Variants in SIPA1L3 observed in about 807,000 individuals in gnomAD.
SIPA1L3 encodes the protein signal-induced proliferation-associated 1-like protein 3.
Under a neutral mutation model 150.1 loss-of-function variants are expected in SIPA1L3, and 59 were observed. That is an observed-to-expected ratio of 0.39 (90% confidence interval 0.32 to 0.49). SIPA1L3 has a LOEUF of 0.49. Among genes scored for constraint, SIPA1L3 ranks in the 20% least tolerant of loss-of-function variants. The pLI is 0.86. For missense variants in SIPA1L3, 2,211 were observed against 2,489.5 expected (o/e 0.89, Z 2.38); for synonymous variants, 1,070 against 1,077.6 (o/e 0.99, Z 0.14).
chr19:38,070,191 CCTATCTATCTATCTAT>C lies in SIPA1L3; in HGVS notation c.-310-11048_-310-11033del, dbSNP rs10546386. Among the ~76,000 whole-genome samples the C allele has an allele frequency of 8.7e-5, 13 of 148,848 alleles. No individual in the cohort carries two copies. The East Asian group carries it at 2.2e-3, about 25-fold the overall frequency. Reference sequence around the variant, plus strand: ...CCTCCCAACTATAGTGATCTTCAGTCCTATCTATCTATCTATCTATCTATCTATCTATTTTTGAGAC... The same window carrying C: ...CCTCCCAACTATAGTGATCTTCAGTCCTATCTATCTATCTATTTTTGAGAC... On this transcript the variant is annotated intron_variant, in intron 2 of 21. Transcript: ENST00000222345.
chr19:38,016,344 A>G lies in SIPA1L3; in HGVS notation c.-378-12745A>G, dbSNP rs1471828294. Among the ~76,000 whole-genome samples, 6 of 152,338 alleles carry G rather than the reference A, an allele frequency of 3.9e-5. No individual in the cohort carries two copies. In the South Asian group the frequency reaches 8.3e-4, roughly 21 times the overall value. ...AGGCCAGCTCTATTTTTAGTGGACT[A>G]TATATACGAATCAAAACATAGTCAG... On this transcript the variant is annotated intron_variant, in intron 1 of 21. Transcript: ENST00000222345.
chr19:38,126,063 A>G (rs569557960), intron 9 of SIPA1L3, among the ~76,000 whole-genome samples: 6 of 152,172 alleles, frequency 3.9e-5, no homozygotes, highest in South Asian at 4.2e-4. Flanking sequence ...AGTCCCAGCT[A>G]CTCAGGAGGC....
At chr19:38,134,853 C>T (rs201059048) in intron 10 of SIPA1L3, among the ~76,000 whole-genome samples, 11 of 151,960 alleles carry the variant, frequency 7.2e-5, no homozygotes, top group Admixed American at 5.2e-4. Flanking sequence ...CGGGAAGGCC[C>T]GAAGGTGAGG....
chr19:38,058,905 TC>T (rs1969388388), intron 2 of SIPA1L3, among the ~76,000 whole-genome samples: 1 of 150,912 alleles, frequency 6.6e-6, no homozygotes, highest in Non-Finnish European at 1.5e-5. Flanking sequence ...ATGCCTGTAA[TC>T]CCAGCTTACT....
intron 12 of SIPA1L3, among the ~76,000 whole-genome samples, chr19:38,151,517 C>T (rs1047142386): frequency 5.3e-5 from 8 of 152,200 alleles, no homozygotes; most frequent in Non-Finnish European, 7.3e-5. Context: ...TAATAACTCA[C>T]CTCCCTTCGT....
intron 1 of SIPA1L3, among the ~76,000 whole-genome samples, chr19:37,922,839 T>C (rs2046468494): frequency 6.7e-6 from 1 of 149,934 alleles, no homozygotes; most frequent in African/African-American, 2.5e-5. Context: ...GATAAAGAAG[T>C]AAAACACGGC....
chr19:38,054,114 G>A (rs1035527971), intron 2 of SIPA1L3, among the ~76,000 whole-genome samples: 5 of 151,848 alleles, frequency 3.3e-5, no homozygotes, highest in African/African-American at 1.2e-4. Context: ...GGAGGCCGAG[G>A]TGGGCGGATC....
At chr19:38,095,420 C>T (rs1970355144) in intron 4 of SIPA1L3, among the ~76,000 whole-genome samples, 1 of 152,178 alleles carries the variant, frequency 6.6e-6, no homozygotes, top group African/African-American at 2.4e-5. Flanking sequence ...GAAGGGTACA[C>T]CTGCCGCCCA....
At chr19:38,144,083 C>A (rs1545039) in intron 12 of SIPA1L3, among the ~76,000 whole-genome samples, 60,258 of 152,012 alleles carry the variant, frequency 0.4, 12,389 homozygotes, top group East Asian at 0.64. Flanking sequence ...CACACTCCCC[C>A]CATCCTACCA....
chr19:38,142,907 C>G (rs1435961755), intron 12 of SIPA1L3, among the ~76,000 whole-genome samples, 197 bp downstream of exon 12: 1 of 152,148 alleles, frequency 6.6e-6, no homozygotes, highest in Non-Finnish European at 1.5e-5. Flanking sequence ...TGGGCAGGAC[C>G]CATCGTTGGC....
chr19:37,912,748 C>T (rs1462841765), intron 1 of SIPA1L3, among the ~76,000 whole-genome samples: 1 of 152,224 alleles, frequency 6.6e-6, no homozygotes, highest in Non-Finnish European at 1.5e-5. Flanking sequence ...CCTCCCGCCT[C>T]AGCCTACATG....
In SIPA1L3 at chr19:38,130,525, G is replaced by A; in HGVS notation, c.2896G>A (p.Asp966Asn). Residue 966 changes from aspartate (D) to asparagine (N), a missense_variant, in exon 10 of 22, where the codon GAC becomes AAC. Coordinates refer to ENST00000222345, the MANE Select transcript of SIPA1L3 (RefSeq NM_015073.3). ...KVMTSGWETVDMTLRRNGLGQ... is the reference protein window; with the variant it reads ...KVMTSGWETVNMTLRRNGLGQ... Reference sequence around the variant, plus strand: ...GATGACCAGTGGCTGGGAGACGGTGGACATGACGCTTCGGCGGAACGGGCT... The same window carrying A: ...GATGACCAGTGGCTGGGAGACGGTGAACATGACGCTTCGGCGGAACGGGCT... 1.2e-6 allele frequency: 2 copies of A among 1,613,050 alleles called. No homozygotes were observed. The highest frequency in any genetic ancestry group is 1.7e-6 in the Non-Finnish European group (2 of 1,179,900).
chr19:37,931,114 T>C (rs140608750), intron 1 of SIPA1L3, among the ~76,000 whole-genome samples: 3 of 152,314 alleles, frequency 2.0e-5, no homozygotes, highest in African/African-American at 7.2e-5. Flanking sequence ...TTACTCGGTA[T>C]TTTGAAGGAA....
intron 15 of SIPA1L3, among the ~76,000 whole-genome samples, chr19:38,176,398 C>G (rs1972436339): frequency 6.7e-6 from 1 of 149,438 alleles, no homozygotes; most frequent in Non-Finnish European, 1.5e-5. Context: ...TTTTTATTTG[C>G]TTGTTTTTTG....
chr19:37,946,319 G>GA (rs1412273871), intron 1 of SIPA1L3, among the ~76,000 whole-genome samples: 1 of 152,048 alleles, frequency 6.6e-6, no homozygotes, highest in African/African-American at 2.4e-5. Context: ...TGTGTGTGGA[G>GA]ATGGGGTCTT....
At chr19:37,982,492 T>C (rs567853539) in intron 1 of SIPA1L3, among the ~76,000 whole-genome samples, 3 of 152,348 alleles carry the variant, frequency 2.0e-5, no homozygotes, top group East Asian at 1.9e-4. Context: ...AGTGAACTCA[T>C]GTAATCCTCG....
At chr19:38,075,731 G>C (rs1969823125) in intron 2 of SIPA1L3, among the ~76,000 whole-genome samples, 1 of 151,798 alleles carries the variant, frequency 6.6e-6, no homozygotes, top group Non-Finnish European at 1.5e-5. Flanking sequence ...AGTGAGCCGA[G>C]ATTGTGCCAC....
chr19:38,164,506 A>G lies in SIPA1L3; in HGVS notation c.3808A>G (p.Ser1270Gly). 1.2e-6 allele frequency: 2 copies of G among 1,612,524 alleles called. No individual in the cohort carries two copies. Among genetic ancestry groups the G allele is most frequent in the Admixed American group, 1.7e-5 (1 of 59,942 alleles). ...KGEPQYSSHSSSNTLSSNASS... is the reference protein window; with the variant it reads ...KGEPQYSSHSGSNTLSSNASS... ...AGAACCTCAATACTCAAGTCATTCC[A>G]GCAGCAACACCCTCTCCAGCAACGC... Residue 1270 changes from serine to glycine, a missense_variant, in exon 15 of 22, where the codon AGC becomes GGC. Ser to Gly is a moderately conservative substitution (Grantham distance 56, BLOSUM62 0). Transcript: ENST00000222345. This position sits in a 1 kb window ranked among gnomAD's most constrained non-coding sequence, Gnocchi z 4.1.
chr19:37,966,278 A>G (rs563376686), intron 1 of SIPA1L3, among the ~76,000 whole-genome samples: 2 of 152,290 alleles, frequency 1.3e-5, no homozygotes, highest in East Asian at 1.9e-4. Context: ...AGCTTGCCAC[A>G]GTGGCCTCGG....
Sources: allele counts gnomAD v4.1 joint callset (sites outside exome capture counted in the v4.1 genomes callset), GRCh38; gene constraint gnomAD v4.1.1; non-coding constraint Gnocchi (gnomAD v3.1); transcripts MANE v1.5; gene names NCBI Gene and HGNC (gene_info 2026-07-23, HGNC 2026-07-21).